ABCC12: variants seen among roughly 807,000 people sequenced by gnomAD.
The protein encoded by ABCC12 is ATP-binding cassette sub-family C member 12.
Under a neutral mutation model 151.1 loss-of-function variants are expected in ABCC12, and 142 were observed. That is an observed-to-expected ratio of 0.94 (90% CI 0.82 to 1.08). The LOEUF (loss-of-function observed/expected upper bound fraction) is 1.08. ABCC12 is among the 50% of genes least tolerant of loss of function. The pLI, the probability that ABCC12 is intolerant of heterozygous loss-of-function variation, is 0.00. For missense variants in ABCC12, 1,638 were observed against 1,691.1 expected (o/e 0.97, Z 0.55); for synonymous variants, 645 against 646.4 (o/e 1.00, Z 0.03).
chr16:48,083,604 G>A lies in ABCC12; in HGVS notation c.*111C>T, dbSNP rs924912318. ...CAGCCCCAGCTCACTCCGTGGATGG[G>A]AGGGGCTGAAGACCAGGGCTGCCTG... On this transcript the variant is annotated 3_prime_UTR_variant, in exon 31 of 31. Coordinates refer to ENST00000311303, the MANE Select transcript of ABCC12 (RefSeq NM_001393797.1). 4.2e-5 allele frequency: 45 copies of A among 1,075,166 alleles called. No individual in the cohort carries two copies. Among genetic ancestry groups the A allele is most frequent in the Admixed American group, 6.5e-5 (3 of 46,142 alleles). 66.6% of individuals were successfully genotyped at this position (1,075,166 alleles called of 1,614,324 possible).
At chr16:48,152,146 C>T (rs1253822382) in intron 2 of ABCC12, among the ~76,000 whole-genome samples, 1 of 152,182 alleles carries the variant, frequency 6.6e-6, no homozygotes, top group East Asian at 1.9e-4. Context: ...CCAGAAAGCC[C>T]TTCAGAATTT....
chr16:48,152,309 T>C (rs1965127287), intron 2 of ABCC12, among the ~76,000 whole-genome samples: 1 of 152,160 alleles, frequency 6.6e-6, no homozygotes, highest in African/African-American at 2.4e-5. Context: ...CTTGGCTCCC[T>C]GCATGAACAG....
chr16:48,084,828 G>T (rs761212320), intron 29 of ABCC12, among the ~76,000 whole-genome samples: 2 of 152,104 alleles, frequency 1.3e-5, no homozygotes, highest in African/African-American at 4.8e-5. Context: ...TGGGGAGGTG[G>T]GGGTATTATT....
rs199952639 is a variant in ABCC12 at position 48,130,853 on chromosome 16, T to C, written c.1171A>G (p.Ile391Val). 14 of 1,613,768 alleles carry C rather than the reference T, an allele frequency of 8.7e-6. No individual in the cohort carries two copies. The Middle Eastern group carries it at 4.9e-4, about 57-fold the overall frequency. The change falls in exon 10 of 31, where the codon ATT becomes GTT. Residue 391 changes from isoleucine to valine, a missense_variant. By Grantham distance (29) the Ile-to-Val change is conservative. Coordinates refer to ENST00000311303, the MANE Select transcript of ABCC12 (RefSeq NM_001393797.1). ...IAMFNVMKFS[I>V]AILPFSIKAM... ...TTGATGGAGAAGGGCAAGATTGCAA[T>C]GGAAAACTTCATTACATTAAACATG...
intron 24 of ABCC12, 22 bp from the exon 25 acceptor site, chr16:48,091,231 C>T (rs1277242635): frequency 6.2e-7 from 1 of 1,611,494 alleles, no homozygotes; most frequent in East Asian, 2.2e-5. Context: ...GAGCGAGCAG[C>T]CGCAGTTAGA....
rs866461716 is a variant in ABCC12, at chr16:48,140,729, G to A, written c.615C>T (p.Asn205=). 9.9e-6 allele frequency: 16 copies of A among 1,614,098 alleles called. No homozygotes were observed. The Middle Eastern group carries it at 6.6e-4, about 66-fold the overall frequency. Residue 205 remains asparagine (N), a synonymous_variant, in exon 6 of 31, where the codon AAC becomes AAT. Transcript: ENST00000311303. ...KVALSTLVFE[N]LVSFKTLTHI... is the part of the protein sequence containing the mutation. ...GGGTCAATGTCTTGAAGGACACTAGGTTTTCAAAAACCAAGGTGGAGAGCG... is the reference window on the plus strand; with the variant it reads ...GGGTCAATGTCTTGAAGGACACTAGATTTTCAAAAACCAAGGTGGAGAGCG...
chr16:48,133,707 G>A lies in ABCC12; in HGVS notation c.1108C>T (p.Arg370Cys), dbSNP rs145682279. 526 of 1,613,880 alleles carry A rather than the reference G, an allele frequency of 3.3e-4. 1 individual carries two copies. Among genetic ancestry groups the A allele is most frequent in the Non-Finnish European group, 4.2e-4 (498 of 1,179,998 alleles). The change falls in exon 9 of 31, where the codon CGC (arginine) becomes TGC (cysteine). Residue 370 changes from arginine to cysteine, a missense_variant. Arg to Cys is a radical substitution (Grantham distance 180). Transcript: ENST00000311303. ...LTLSCHILLR[R>C]KLTAPVAFSV... ...CTTACCACGGGTGCGGTGAGTTTGC[G>A]TCTCAGGAGGATGTGGCAGGATAAT...
chr16:48,087,771 CAG>C (rs757193908), intron 27 of ABCC12, 153 bp downstream of exon 27: 1 of 738,732 alleles, frequency 1.4e-6, no homozygotes, highest in Non-Finnish European at 2.2e-6. Context: ...GATGCAGAAA[CAG>C]GGACCAGCAG....
chr16:48,091,379 T>C, intron 24 of ABCC12, 170 bp from the exon 25 acceptor site: 2 of 624,390 alleles, frequency 3.2e-6, no homozygotes, highest in Admixed American at 2.7e-5. Flanking sequence ...AAGATATTCC[T>C]GTTCGGGTGT....
Position 48,092,099 on chromosome 16 carries a change from C to T in ABCC12, c.3196-890G>A, listed in dbSNP as rs137907607. ...CTGGAAGAGAGAAGAAAGATTCTCCCGAGCCTCCGGAGGGAAGCTGGCCCT... is the reference window on the plus strand; with the variant it reads ...CTGGAAGAGAGAAGAAAGATTCTCCTGAGCCTCCGGAGGGAAGCTGGCCCT... On this transcript the variant is annotated intron_variant, in intron 24 of 30. Transcript: ENST00000311303. Among the ~76,000 whole-genome samples, 464 of 152,322 alleles carry T rather than the reference C, an allele frequency of 3.0e-3. 1 individual carries two copies. Among genetic ancestry groups the T allele is most frequent in the Non-Finnish European group, 5.3e-3 (361 of 68,026 alleles).
chr16:48,096,357 T>C (rs1963093806), intron 24 of ABCC12, among the ~76,000 whole-genome samples: 1 of 152,202 alleles, frequency 6.6e-6, no homozygotes, highest in African/African-American at 2.4e-5. Flanking sequence ...CCTAAATTAA[T>C]CCAATAATAG....
intron 25 of ABCC12, among the ~76,000 whole-genome samples, chr16:48,089,283 G>A (rs1458763792): frequency 6.6e-6 from 1 of 152,210 alleles, no homozygotes; most frequent in Non-Finnish European, 1.5e-5. Context: ...TGTCAGAAGT[G>A]TAGCCCTGAA....
intron 2 of ABCC12, among the ~76,000 whole-genome samples, chr16:48,147,491 A>G (rs1346435569): frequency 6.6e-6 from 1 of 152,236 alleles, no homozygotes; most frequent in Non-Finnish European, 1.5e-5. Context: ...TAGAAGCAGT[A>G]GATAAACCAA....
chr16:48,138,599 A>T (rs1470068219), intron 7 of ABCC12, among the ~76,000 whole-genome samples: 1 of 152,160 alleles, frequency 6.6e-6, no homozygotes, highest in East Asian at 1.9e-4. Context: ...GGACTCAAAG[A>T]GAGTGCTGGG....
chr16:48,155,019 C>T lies in ABCC12; in HGVS notation c.-320+822G>A, dbSNP rs997806673. Reference sequence around the variant, plus strand: ...ACTGGGGAGCTCTCCCAGGCCCTGCCTGCACCGCACCTCTCCTGTCTGTCC... The same window carrying T: ...ACTGGGGAGCTCTCCCAGGCCCTGCTTGCACCGCACCTCTCCTGTCTGTCC... On this transcript the variant is annotated intron_variant, in intron 1 of 30. Transcript: ENST00000311303. Among the ~76,000 whole-genome samples, 12 of 152,364 alleles carry T rather than the reference C, an allele frequency of 7.9e-5. No homozygotes were observed. The East Asian group carries it at 2.3e-3, about 29-fold the overall frequency.
chr16:48,141,430 C>A, intron 4 of ABCC12, 77 bp from the exon 5 acceptor site: 1 of 1,569,106 alleles, frequency 6.4e-7, no homozygotes, highest in South Asian at 1.2e-5. Context: ...TGGGCATGCT[C>A]TTGCAAGGGT....
chr16:48,087,913 T>A lies in ABCC12; in HGVS notation c.3635+13A>T. ...TCCAAAAATAGAAATGCACAATGAT[T>A]AAAAACAGCTACCTTACTGTACCTA... On this transcript the variant is annotated intron_variant, in intron 27 of 30. Transcript: ENST00000311303. The A allele has an allele frequency of 1.9e-6, 3 of 1,603,708 alleles. No individual in the cohort carries two copies. The highest frequency in any genetic ancestry group is 2.6e-6 in the Non-Finnish European group (3 of 1,173,340).
chr16:48,087,139 G>A (rs939524559), intron 27 of ABCC12: 4 of 253,124 alleles, frequency 1.6e-5, no homozygotes, highest in African/African-American at 6.5e-5. Flanking sequence ...GTAGCAGAGT[G>A]GGTTTGAACT....
chr16:48,148,545 T>G (rs897154304), intron 2 of ABCC12, among the ~76,000 whole-genome samples: 4 of 152,154 alleles, frequency 2.6e-5, no homozygotes, highest in Non-Finnish European at 4.4e-5. Context: ...GTGCAGTTAA[T>G]GAATATTAAT....
Sources: allele counts gnomAD v4.1 joint callset (sites outside exome capture counted in the v4.1 genomes callset), GRCh38; gene constraint gnomAD v4.1.1; transcripts MANE v1.5; gene names NCBI Gene and HGNC (gene_info 2026-07-23, HGNC 2026-07-21).